SINHCAF: variants seen among roughly 807,000 people sequenced by gnomAD.
The protein encoded by SINHCAF is SIN3-HDAC complex associated factor, also known as SIN3-HDAC complex-associated factor.
SINHCAF carries 3 observed loss-of-function variants against 25.8 expected under a neutral mutation model. That is an observed-to-expected ratio of 0.12 (90% confidence interval 0.05 to 0.30). SINHCAF has a LOEUF of 0.30. Among genes scored for constraint, SINHCAF ranks in the 10% least tolerant of loss-of-function variants. The probability of loss-of-function intolerance (pLI) is 1.00; values close to 1 mark genes in which losing one functional copy is unlikely to be tolerated. For synonymous variants in SINHCAF, 70 were observed against 85.5 expected, an observed-to-expected ratio of 0.82 and a Z score of 1.00; for missense variants, 121 against 262.3, an observed-to-expected ratio of 0.46 and a Z score of 3.72.
chr12:31,290,750 G>A (rs1938277478), intron 4 of SINHCAF, among the ~76,000 whole-genome samples: 1 of 151,968 alleles, frequency 6.6e-6, no homozygotes, highest in Non-Finnish European at 1.5e-5. Context: ...ACGGAGTTTT[G>A]CTCTTGTTGC....
intron 2 of SINHCAF, 145 bp downstream of exon 2, chr12:31,297,931 TA>T: frequency 1.2e-6 from 1 of 807,314 alleles, no homozygotes; most frequent in Non-Finnish European, 2.0e-6. Flanking sequence ...TTGATTCATT[TA>T]AAAAGCAGGA....
At chr12:31,309,956 C>T (rs560258313) in intron 1 of SINHCAF, among the ~76,000 whole-genome samples, 1 of 152,134 alleles carries the variant, frequency 6.6e-6, no homozygotes, top group Non-Finnish European at 1.5e-5. Context: ...CGTGAGCCAC[C>T]GTGCCCGGCC....
intron 1 of SINHCAF, among the ~76,000 whole-genome samples, chr12:31,309,959 G>A (rs1189357587): frequency 6.6e-6 from 1 of 152,074 alleles, no homozygotes; most frequent in Non-Finnish European, 1.5e-5. Context: ...GAGCCACCGT[G>A]CCCGGCCAAC....
intron 1 of SINHCAF, among the ~76,000 whole-genome samples, chr12:31,305,568 A>G (rs1252852731): frequency 6.6e-6 from 1 of 151,970 alleles, no homozygotes; most frequent in Non-Finnish European, 1.5e-5. Flanking sequence ...TTGTGTTTTT[A>G]TTATTCCATT....
intron 2 of SINHCAF, among the ~76,000 whole-genome samples, chr12:31,296,680 C>T (rs921615162): frequency 1.3e-5 from 2 of 151,836 alleles, no homozygotes; most frequent in African/African-American, 4.8e-5. Flanking sequence ...ATGGCAAAAT[C>T]CTGTATCTAC....
In SINHCAF at chr12:31,282,505, C is replaced by A; in HGVS notation, c.*207G>T. ...GGTCTGGTGGCGGGCACCTATAAAC[C>A]CAGCTACTTGGGAGGCTGAGGCAGG... is the stretch of plus-strand genomic sequence containing the variant. On this transcript the variant is annotated 3_prime_UTR_variant, in exon 6 of 6. Transcript: ENST00000337682. 2.4e-6 allele frequency: 1 copy of A among 420,504 alleles called. No homozygotes were observed. The allele number at this position is 420,504 out of a possible 1,614,324, so 26.0% of individuals were successfully genotyped here. A position where few individuals can be genotyped will look rare whatever the true frequency, so the allele number is the denominator to read the frequency against.
At chr12:31,296,924 ACT>A (rs1209531582) in intron 2 of SINHCAF, 1 of 396,824 alleles carries the variant, frequency 2.5e-6, no homozygotes, top group Non-Finnish European at 5.0e-6. Context: ...AGTCCCAGCT[ACT>A]CGAGAGGCTC....
chr12:31,313,280 G>C (rs1173820659), intron 1 of SINHCAF, among the ~76,000 whole-genome samples: 1 of 152,130 alleles, frequency 6.6e-6, no homozygotes, highest in Non-Finnish European at 1.5e-5. Flanking sequence ...ACCTGCCTCG[G>C]CCTCCCGAAG....
chr12:31,312,151 T>C, intron 1 of SINHCAF: 1 of 408,398 alleles, frequency 2.4e-6, no homozygotes, highest in East Asian at 6.4e-5. Context: ...TAAACTTAAT[T>C]GGAACTATAC....
intron 1 of SINHCAF, among the ~76,000 whole-genome samples, chr12:31,310,870 C>CTTT (rs901142862): frequency 2.9e-5 from 4 of 139,844 alleles, no homozygotes; most frequent in African/African-American, 5.3e-5. Context: ...AATCTACGAT[C>CTTT]TTTTTTTTTT....
At position 31,323,746 on chromosome 12, in the gene SINHCAF, A is replaced by G. The variant is rs553055417; in HGVS notation, c.-21+2278T>C. On this transcript the variant is annotated intron_variant, in intron 1 of 5. Coordinates refer to ENST00000337682, the MANE Select transcript of SINHCAF (RefSeq NM_001135812.2). ...AACTGGCCGCACGCACAATTCGCCC[A>G]CAGTCCTCACTTCCCTTAGTAGGGC... is the stretch of plus-strand genomic sequence containing the variant. 2.0e-3 allele frequency among the ~76,000 whole-genome samples: 293 copies of G among 149,382 alleles called. 1 individual carries two copies. The highest frequency in any genetic ancestry group is 3.4e-3 in the Middle Eastern group (1 of 290).
chr12:31,289,806 T>C (rs1252283799), intron 4 of SINHCAF, among the ~76,000 whole-genome samples: 2 of 152,046 alleles, frequency 1.3e-5, no homozygotes, highest in Admixed American at 6.6e-5. Context: ...TTGGGTTTTT[T>C]TTTTTTTTTA....
At position 31,298,173 on chromosome 12, in the gene SINHCAF, C is replaced by T; in HGVS notation, c.32G>A (p.Arg11Gln). The T allele has an allele frequency of 1.2e-6, 2 of 1,614,166 alleles. No homozygotes were observed. Among genetic ancestry groups the T allele is most frequent in the Non-Finnish European group, 1.7e-6 (2 of 1,180,028 alleles). The change falls in exon 2 of 6, where the codon CGA becomes CAA. Residue 11 changes from arginine (R) to glutamine (Q), a missense_variant. Transcript: ENST00000337682. ...GCAAATACAGCAGCCCTCTATACTT[C>T]GGTACATCTTTGGCTTGTGAAAACC... MFGFHKPKMY[R>Q]SIEGCCICRA...
chr12:31,311,787 T>G, intron 1 of SINHCAF: 3 of 495,874 alleles, frequency 6.0e-6, no homozygotes, highest in Admixed American at 5.2e-5. Flanking sequence ...ACCCAAAGAC[T>G]GTGGAACTTT....
At chr12:31,322,722 G>C (rs1459569710) in intron 1 of SINHCAF, among the ~76,000 whole-genome samples, 1 of 152,192 alleles carries the variant, frequency 6.6e-6, no homozygotes. Flanking sequence ...TTTTAGGTGT[G>C]TGGGGGCAGG....
At chr12:31,293,410 T>C (rs1938416766) in intron 4 of SINHCAF, among the ~76,000 whole-genome samples, 1 of 152,196 alleles carries the variant, frequency 6.6e-6, no homozygotes, top group African/African-American at 2.4e-5. Context: ...ATTTCTAAAG[T>C]TACTTTCCAG....
At chr12:31,311,846 C>A in intron 1 of SINHCAF, 1 of 477,822 alleles carries the variant, frequency 2.1e-6, no homozygotes. Flanking sequence ...GTTGTCCCAG[C>A]GTTGATGATG....
intron 1 of SINHCAF, among the ~76,000 whole-genome samples, chr12:31,318,085 T>C (rs1249754820): frequency 6.6e-6 from 1 of 152,210 alleles, no homozygotes; most frequent in African/African-American, 2.4e-5. Flanking sequence ...TATGCTATCA[T>C]TAATCACATT....
At chr12:31,297,854 T>G (rs57445509) in intron 2 of SINHCAF, among the ~76,000 whole-genome samples, 1 of 152,054 alleles carries the variant, frequency 6.6e-6, no homozygotes, top group African/African-American at 2.4e-5. Context: ...AGCTACAACT[T>G]TAAGGGGCTT....
Sources: gnomAD v4.1 joint callset for allele counts (sites outside exome capture counted in the v4.1 genomes callset) on GRCh38, gnomAD v4.1.1 for gene constraint, MANE v1.5 for transcripts, NCBI Gene and HGNC (gene_info 2026-07-23, HGNC 2026-07-21) for gene names.